The following FGD5 variants were observed in gnomAD, a reference collection of about 807,000 sequenced individuals.
The protein encoded by FGD5 is FYVE, RhoGEF and PH domain containing 5.
Under a neutral mutation model 133.4 loss-of-function variants are expected in FGD5, and 28 were observed. That is an observed-to-expected ratio of 0.21 (90% confidence interval 0.16 to 0.29). The LOEUF is 0.29. Among genes scored for constraint, FGD5 ranks in the 10% least tolerant of loss-of-function variants. The pLI is 1.00. For synonymous variants in FGD5, 810 were observed against 776.5 expected (o/e 1.04, Z -0.72); for missense variants, 1,858 against 1,895.2 (o/e 0.98, Z 0.36).
intron 1 of FGD5, among the ~76,000 whole-genome samples, chr3:14,863,707 C>T (rs770910123): frequency 6.6e-6 from 1 of 152,234 alleles, no homozygotes; most frequent in Non-Finnish European, 1.5e-5. Context: ...GGCTGGAACA[C>T]ACGTCCTGGA....
At chr3:14,831,622 G>A (rs1380984765) in intron 1 of FGD5, among the ~76,000 whole-genome samples, 1 of 152,190 alleles carries the variant, frequency 6.6e-6, no homozygotes, top group South Asian at 2.1e-4. Flanking sequence ...CAGAGGGAGG[G>A]TAGGAGGGAA....
chr3:14,812,001 G>GGTGTGTGTGTGTGT (rs10644004), intron 1 of FGD5, among the ~76,000 whole-genome samples: 59 of 145,566 alleles, frequency 4.1e-4, no homozygotes, highest in Non-Finnish European at 7.3e-4. Flanking sequence ...ATATCCTGCT[G>GGTGTGTGTGTGTGT]GTGTGTGTGT....
intron 2 of FGD5, among the ~76,000 whole-genome samples, chr3:14,880,167 A>G (rs927213076): frequency 3.3e-5 from 5 of 152,116 alleles, no homozygotes; most frequent in African/African-American, 9.7e-5. Context: ...GAACTGGTCA[A>G]TGTAATGAGA....
chr3:14,925,504 C>G (rs957676198), intron 17 of FGD5, among the ~76,000 whole-genome samples: 1 of 152,136 alleles, frequency 6.6e-6, no homozygotes, highest in Admixed American at 6.5e-5. Flanking sequence ...TTGGTAGAGC[C>G]TGAATGGGAA....
At position 14,926,128 on chromosome 3, in the gene FGD5, G is replaced by C. The variant is rs1275668632; in HGVS notation, c.4127G>C (p.Gly1376Ala). 1.4e-5 allele frequency: 23 copies of C among 1,613,952 alleles called. No homozygotes were observed. Among genetic ancestry groups the C allele is most frequent in the Middle Eastern group, 1.6e-4 (1 of 6,062 alleles). Residue 1376 changes from glycine (G) to alanine (A), a missense_variant, in exon 18 of 20, where the codon GGC (glycine) becomes GCC (alanine). Coordinates refer to ENST00000285046, the MANE Select transcript of FGD5 (RefSeq NM_152536.4). ...ISGYLSRCKR[G>A]KRHWKKLWFV... ...GGCTATCTCAGCCGGTGTAAGAGGG[G>C]CAAGCGGCACTGGAAGAAGCTCTGG...
chr3:14,897,260 G>A (rs371306273), intron 4 of FGD5: 4 of 486,692 alleles, frequency 8.2e-6, no homozygotes, highest in South Asian at 5.7e-5. Flanking sequence ...AGTGTGTGTT[G>A]AGCCCTGCTC....
At chr3:14,875,358 G>A (rs766420131) in intron 2 of FGD5, among the ~76,000 whole-genome samples, 30 of 152,198 alleles carry the variant, frequency 2.0e-4, no homozygotes, top group African/African-American at 9.6e-5. Flanking sequence ...TGGCGCATAC[G>A]GGGCATCGGG....
chr3:14,921,805 G>A, intron 13 of FGD5, 113 bp from the exon 14 acceptor site: 1 of 944,088 alleles, frequency 1.1e-6, no homozygotes, highest in Non-Finnish European at 1.7e-6. Flanking sequence ...GTTCTGGGCA[G>A]TGTGAGAGGT....
intron 17 of FGD5, among the ~76,000 whole-genome samples, chr3:14,925,588 C>T (rs552416359): frequency 7.9e-5 from 12 of 152,254 alleles, no homozygotes; most frequent in African/African-American, 2.6e-4. Flanking sequence ...TACTACCCCC[C>T]GCCACCACAA....
At position 14,922,589 on chromosome 3, in the gene FGD5, G is replaced by A. The variant is rs1268782041; in HGVS notation, c.3807+41G>A. The A allele has an allele frequency of 3.2e-6, 5 of 1,550,056 alleles. No individual in the cohort carries two copies. The highest frequency in any genetic ancestry group is 3.5e-6 in the Non-Finnish European group (4 of 1,150,582). On this transcript the variant is annotated intron_variant, in intron 15 of 19. Transcript: ENST00000285046. This position sits in a 1 kb window ranked among gnomAD's most constrained non-coding sequence, Gnocchi z 4.1. ...TGGGGTGAGTGTGTGCATGGGGGTG[G>A]GGTGGGGGAAGGGCATGTCCCTGCC...
At chr3:14,840,973 A>T (rs952284458) in intron 1 of FGD5, among the ~76,000 whole-genome samples, 1 of 152,252 alleles carries the variant, frequency 6.6e-6, no homozygotes, top group Non-Finnish European at 1.5e-5. Flanking sequence ...CAGCAGACAC[A>T]GCAGTAGCAG....
Position 14,933,882 on chromosome 3 carries a change from A to G in FGD5, c.*715A>G, listed in dbSNP as rs1049679914. On this transcript the variant is annotated 3_prime_UTR_variant, in exon 20 of 20. Coordinates refer to ENST00000285046, the MANE Select transcript of FGD5 (RefSeq NM_152536.4). ...TCGACCTTGTGACCTGTATACTAAC[A>G]TAACTTATTAAAGGAGGGGTCCCTC... 4 of 152,428 alleles carry G rather than the reference A, an allele frequency of 2.6e-5. No homozygotes were observed. The highest frequency in any genetic ancestry group is 2.6e-4 in the Admixed American group (4 of 15,290). 9.4% of individuals were successfully genotyped at this position (152,428 alleles called of 1,614,324 possible). A position where few individuals can be genotyped will look rare whatever the true frequency, so the allele number is the denominator to read the frequency against.
intron 4 of FGD5, among the ~76,000 whole-genome samples, chr3:14,892,202 T>C (rs2038043307): frequency 6.6e-6 from 1 of 151,914 alleles, no homozygotes; most frequent in Non-Finnish European, 1.5e-5. Flanking sequence ...CCTTTTTTTT[T>C]TATTTTTTTA....
At chr3:14,895,304 C>A (rs370112916) in intron 4 of FGD5, among the ~76,000 whole-genome samples, 1 of 152,164 alleles carries the variant, frequency 6.6e-6, no homozygotes, top group African/African-American at 2.4e-5. Flanking sequence ...GGGTATTTCC[C>A]CAATGTTTTA....
In FGD5 at chr3:14,820,344, G is replaced by A; in HGVS notation, c.1273G>A (p.Ala425Thr). 1 of 1,612,632 alleles carries A rather than the reference G, an allele frequency of 6.2e-7. No individual in the cohort carries two copies. Among genetic ancestry groups the A allele is most frequent in the Admixed American group, 1.7e-5 (1 of 59,914 alleles). The change falls in exon 1 of 20, where the codon GCA (alanine) becomes ACA (threonine). Residue 425 changes from alanine to threonine, a missense_variant. Physicochemically the swap from Ala to Thr is moderately conservative, Grantham distance 58. Around this residue, in one of 3 missense-constraint regions of FGD5, gnomAD observed 1,824 missense variants for 1,848.9 expected, o/e 0.99. Coordinates refer to ENST00000285046, the MANE Select transcript of FGD5 (RefSeq NM_152536.4). Reference sequence around the variant, plus strand: ...GCTGGAGGAGGAGGCCTTGGATGATGCACTGGCCAACCCCTATGTGATGGG... The same window carrying A: ...GCTGGAGGAGGAGGCCTTGGATGATACACTGGCCAACCCCTATGTGATGGG... ...VVLEEEALDD[A>T]LANPYVMGVG...
At chr3:14,825,256 A>G (rs916970948) in intron 1 of FGD5, among the ~76,000 whole-genome samples, 1 of 152,030 alleles carries the variant, frequency 6.6e-6, no homozygotes, top group Non-Finnish European at 1.5e-5. Context: ...TTTATTACCT[A>G]TGTCCATTTT....
chr3:14,835,367 G>T (rs2036796541), intron 1 of FGD5, among the ~76,000 whole-genome samples: 1 of 152,124 alleles, frequency 6.6e-6, no homozygotes, highest in Admixed American at 6.5e-5. Flanking sequence ...TGGTGTGGTG[G>T]TGCATGCCTG....
At chr3:14,870,082 A>C (rs1178872489) in intron 2 of FGD5, among the ~76,000 whole-genome samples, 3 of 152,084 alleles carry the variant, frequency 2.0e-5, no homozygotes, top group South Asian at 2.1e-4. Flanking sequence ...TCCAATTCCC[A>C]GGGAGGGGCT....
chr3:14,880,726 C>G lies in FGD5; in HGVS notation c.2718-16C>G. 1 of 1,614,026 alleles carries G rather than the reference C, an allele frequency of 6.2e-7. No individual in the cohort carries two copies. Among genetic ancestry groups the G allele is most frequent in the South Asian group, 1.1e-5 (1 of 91,070 alleles). ...GATGGGGATTAATGCAGCCTCAACCCTCTTTCCCTCTGCAGATACGTGGAG... is the reference window on the plus strand; with the variant it reads ...GATGGGGATTAATGCAGCCTCAACCGTCTTTCCCTCTGCAGATACGTGGAG... On this transcript the variant is annotated splice_polypyrimidine_tract_variant and intron_variant, in intron 3 of 19. Transcript: ENST00000285046.
Sources: gnomAD v4.1 joint callset for allele counts (sites outside exome capture counted in the v4.1 genomes callset) on GRCh38, gnomAD v4.1.1 for gene constraint, gnomAD v4.1.1 regional missense constraint, Gnocchi (gnomAD v3.1) non-coding constraint, MANE v1.5 for transcripts, NCBI Gene and HGNC (gene_info 2026-07-23, HGNC 2026-07-21) for gene names.